TAB2: variants seen among roughly 807,000 people sequenced by gnomAD.
TAB2 encodes the protein TGF-beta activated kinase 1 (MAP3K7) binding protein 2.
Under a neutral mutation model 65.0 loss-of-function variants are expected in TAB2, and 3 were observed. That is an observed-to-expected ratio of 0.05 (90% CI 0.02 to 0.12). The LOEUF is 0.12. TAB2 is among the 10% of genes least tolerant of loss of function. The probability of loss-of-function intolerance (pLI) is 1.00; values close to 1 mark genes in which losing one functional copy is unlikely to be tolerated. For missense variants in TAB2, 623 were observed against 840.3 expected, an observed-to-expected ratio of 0.74 and a Z score of 3.20; for synonymous variants, 298 against 285.1, an observed-to-expected ratio of 1.05 and a Z score of -0.46.
At chr6:149,274,894 G>A (rs943961361) in intron 1 of TAB2, among the ~76,000 whole-genome samples, 8 of 152,106 alleles carry the variant, frequency 5.3e-5, no homozygotes, top group African/African-American at 1.9e-4. Context: ...CAGTAACCAG[G>A]CCAGAGAGAG....
chr6:149,224,776 A>G (rs1434745073), intron 1 of TAB2, among the ~76,000 whole-genome samples: 5 of 152,234 alleles, frequency 3.3e-5, no homozygotes, highest in African/African-American at 1.2e-4. Context: ...TTTGATACGT[A>G]GGTTAATGCC....
chr6:149,266,432 C>T (rs934527879), intron 1 of TAB2, among the ~76,000 whole-genome samples: 1 of 152,218 alleles, frequency 6.6e-6, no homozygotes, highest in Non-Finnish European at 1.5e-5. Flanking sequence ...GAGAACACCC[C>T]ACTCCTTCCC....
intron 1 of TAB2, among the ~76,000 whole-genome samples, chr6:149,298,525 G>A (rs1051708478): frequency 6.6e-6 from 1 of 152,156 alleles, no homozygotes; most frequent in African/African-American, 2.4e-5. Flanking sequence ...CTACCCCGGA[G>A]GCTGAGGTGG....
At chr6:149,312,523 C>T (rs771471254) in intron 1 of TAB2, among the ~76,000 whole-genome samples, 10 of 152,150 alleles carry the variant, frequency 6.6e-5, no homozygotes, top group East Asian at 1.9e-4. Context: ...CCACCACGCC[C>T]GACTAATTTT....
intron 1 of TAB2, chr6:149,244,910 A>C (rs527962124): frequency 1.3e-5 from 2 of 151,912 alleles, no homozygotes; most frequent in Non-Finnish European, 2.9e-5. Flanking sequence ...AAGATATGGC[A>C]GATGCTGCTG....
upstream of TAB2, chr6:149,317,512 G>A (rs1393902186): frequency 1.3e-5 from 2 of 156,872 alleles, no homozygotes; most frequent in Non-Finnish European, 2.8e-5. This position sits in a 1 kb window ranked among gnomAD's most constrained non-coding sequence, Gnocchi z 4.7. Context: ...CAGATCTCGC[G>A]GTGTTTGCCG....
At chr6:149,301,733 T>C (rs979258444) in intron 1 of TAB2, among the ~76,000 whole-genome samples, 2 of 152,230 alleles carry the variant, frequency 1.3e-5, no homozygotes, top group Non-Finnish European at 2.9e-5. Flanking sequence ...AAGAGCTCCA[T>C]GTATTTAACC....
At chr6:149,301,566 C>A (rs1778973674) in intron 1 of TAB2, among the ~76,000 whole-genome samples, 1 of 152,068 alleles carries the variant, frequency 6.6e-6, no homozygotes, top group African/African-American at 2.4e-5. Context: ...AAATATGAAC[C>A]CATCCTTGTA....
intron 6 of TAB2, among the ~76,000 whole-genome samples, chr6:149,402,797 C>CA (rs1430569201): frequency 6.6e-6 from 1 of 152,168 alleles, no homozygotes; most frequent in African/African-American, 2.4e-5. Flanking sequence ...TGGGGTTTAT[C>CA]TCTGGGACTT....
At chr6:149,359,311 C>A (rs186628548) in intron 1 of TAB2, among the ~76,000 whole-genome samples, 211 of 152,314 alleles carry the variant, frequency 1.4e-3, no homozygotes, top group Admixed American at 2.6e-3. Flanking sequence ...TATGGTATCA[C>A]CAGCCTCAGA....
chr6:149,303,187 T>A (rs1778998823), intron 1 of TAB2, among the ~76,000 whole-genome samples: 1 of 152,248 alleles, frequency 6.6e-6, no homozygotes, highest in Non-Finnish European at 1.5e-5. Flanking sequence ...GTGAGATGTA[T>A]AATTATTTCA....
intron 3 of TAB2, among the ~76,000 whole-genome samples, chr6:149,380,690 T>C (rs998064962): frequency 6.6e-6 from 1 of 152,234 alleles, no homozygotes; most frequent in Non-Finnish European, 1.5e-5. Flanking sequence ...ATCTTAGTCA[T>C]ATATGTATCT....
intron 1 of TAB2, among the ~76,000 whole-genome samples, chr6:149,299,923 A>G (rs1778942117): frequency 6.6e-6 from 1 of 152,078 alleles, no homozygotes; most frequent in African/African-American, 2.4e-5. Flanking sequence ...CAGGAGGATC[A>G]CTTGAGCCCA....
chr6:149,283,198 C>T (rs1030095885), intron 1 of TAB2, among the ~76,000 whole-genome samples: 1 of 152,184 alleles, frequency 6.6e-6, no homozygotes, highest in Non-Finnish European at 1.5e-5. Context: ...TTGCTTAATG[C>T]TGAGTGAGTG....
chr6:149,276,399 G>A (rs1158444651), intron 1 of TAB2, among the ~76,000 whole-genome samples: 3 of 152,216 alleles, frequency 2.0e-5, no homozygotes, highest in Non-Finnish European at 2.9e-5. Flanking sequence ...ATGTGCTAGC[G>A]ATGAGACATT....
intron 1 of TAB2, among the ~76,000 whole-genome samples, chr6:149,259,963 A>G (rs1778118395): frequency 6.6e-6 from 1 of 152,172 alleles, no homozygotes; most frequent in African/African-American, 2.4e-5. Context: ...TTAAAAAAAT[A>G]CATGTGAGTA....
At chr6:149,324,587 A>G (rs1426898601) in intron 1 of TAB2, among the ~76,000 whole-genome samples, 2 of 152,108 alleles carry the variant, frequency 1.3e-5, no homozygotes, top group Admixed American at 6.5e-5. Flanking sequence ...GCTCATCAGT[A>G]TAGAGCCAGT....
intron 1 of TAB2, among the ~76,000 whole-genome samples, chr6:149,364,376 TG>T (rs1333348375): frequency 6.6e-6 from 1 of 152,082 alleles, no homozygotes; most frequent in African/African-American, 2.4e-5. Context: ...TTTTTCCCAA[TG>T]TACCATGCTC....
At chr6:149,307,260 G>C (rs1562407627) in intron 1 of TAB2, among the ~76,000 whole-genome samples, 2 of 152,176 alleles carry the variant, frequency 1.3e-5, no homozygotes, top group Non-Finnish European at 2.9e-5. Flanking sequence ...TCTATGTCCA[G>C]ATAACAAGGC....
Sources: gnomAD v4.1 joint callset for allele counts (sites outside exome capture counted in the v4.1 genomes callset) on GRCh38, gnomAD v4.1.1 for gene constraint, Gnocchi (gnomAD v3.1) non-coding constraint, MANE v1.5 for transcripts, NCBI Gene and HGNC (gene_info 2026-07-23, HGNC 2026-07-21) for gene names.